The following XKR9 variants were observed in gnomAD, a reference collection of about 807,000 sequenced individuals.
XKR9 encodes the protein XK-related protein 9.
Under a neutral mutation model 32.0 loss-of-function variants are expected in XKR9, and 32 were observed. The observed-to-expected ratio is 1.00, with a 90% confidence interval of 0.76 to 1.34. XKR9 has a LOEUF of 1.34. Ranked by LOEUF, XKR9 falls within the 40% of genes most tolerant of loss-of-function variation. The pLI is 0.00. For synonymous variants in XKR9, 168 were observed against 143.4 expected (o/e 1.17, Z -1.22); for missense variants, 546 against 429.7 (o/e 1.27, Z -2.39).
chr8:70,785,110 G>C (rs908278750), intron 2 of XKR9, among the ~76,000 whole-genome samples: 4 of 151,882 alleles, frequency 2.6e-5, no homozygotes, highest in African/African-American at 7.2e-5. Flanking sequence ...ATGTTTTGTG[G>C]AATTCAGCAG....
At chr8:70,728,060 T>C (rs969151034) in intron 4 of XKR9, among the ~76,000 whole-genome samples, 11 of 152,174 alleles carry the variant, frequency 7.2e-5, no homozygotes, top group African/African-American at 2.7e-4. Flanking sequence ...AGGCTTGTTT[T>C]GGGAAAGGCC....
Position 70,734,321 on chromosome 8 carries a change from A to C in XKR9, c.1019A>C (p.Tyr340Ser). ...LLGILFLIVY[Y>S]GSFHPNRSAE... ...GGAATTCTTTTTCTTATTGTTTATT[A>C]TGGGAGTTTTCACCCAAACAGAAGT... The change falls in exon 5 of 5, where the codon TAT becomes TCT. Residue 340 changes from tyrosine to serine, a missense_variant. Tyr to Ser is a moderately radical substitution (Grantham distance 144). Coordinates refer to ENST00000408926, the MANE Select transcript of XKR9 (RefSeq NM_001011720.2). 6.2e-7 allele frequency: 1 copy of C among 1,612,544 alleles called. No homozygotes were observed. The highest frequency in any genetic ancestry group is 8.5e-7 in the Non-Finnish European group (1 of 1,179,508).
intron 3 of XKR9, chr8:70,683,505 TGA>T: frequency 4.5e-6 from 2 of 441,368 alleles, no homozygotes; most frequent in Admixed American, 5.1e-5. Flanking sequence ...TTTTTTTTTT[TGA>T]GACAGGGCCT....
the XKR9 span, among the ~76,000 whole-genome samples, chr8:70,908,961 G>C: frequency 1.3e-5 from 2 of 152,212 alleles, no homozygotes; most frequent in Non-Finnish European, 2.9e-5. Context: ...CAGGAGGTCT[G>C]TATGTTGTGC....
At chr8:70,865,772 G>A in the XKR9 span, among the ~76,000 whole-genome samples, 1 of 152,198 alleles carries the variant, frequency 6.6e-6, no homozygotes, top group Non-Finnish European at 1.5e-5. Flanking sequence ...AACCTGACTT[G>A]TGCTTCTGAA....
the XKR9 span, among the ~76,000 whole-genome samples, chr8:70,838,881 C>T: frequency 6.6e-6 from 1 of 152,046 alleles, no homozygotes. Context: ...GAGACATTTT[C>T]AAGTCCATGT....
downstream of XKR9, among the ~76,000 whole-genome samples, chr8:70,738,711 C>T (rs918206389): frequency 2.0e-5 from 3 of 152,008 alleles, no homozygotes; most frequent in East Asian, 1.9e-4. Context: ...TTATTTCTGC[C>T]TTCATTTCGT....
At chr8:70,916,401 A>T in the XKR9 span, among the ~76,000 whole-genome samples, 1 of 152,200 alleles carries the variant, frequency 6.6e-6, no homozygotes, top group South Asian at 2.1e-4. Context: ...GCCATCTTTG[A>T]CAAATCAAGT....
the XKR9 span, among the ~76,000 whole-genome samples, chr8:71,018,136 G>T: frequency 2.0e-5 from 3 of 152,070 alleles, no homozygotes; most frequent in African/African-American, 7.2e-5. Context: ...AAGAAGTAAA[G>T]AATAGGCATT....
the XKR9 span, among the ~76,000 whole-genome samples, chr8:70,976,081 C>T: frequency 2.6e-5 from 4 of 152,152 alleles, no homozygotes; most frequent in Non-Finnish European, 5.9e-5. Context: ...GTGATTTTTG[C>T]ACATTGATTT....
intron 4 of XKR9, among the ~76,000 whole-genome samples, chr8:70,712,366 C>T (rs1455603140): frequency 1.3e-5 from 2 of 152,074 alleles, no homozygotes; most frequent in African/African-American, 4.8e-5. Flanking sequence ...GGGAAAGCAG[C>T]ATAGTTAAGT....
intron 3 of XKR9, among the ~76,000 whole-genome samples, chr8:70,682,604 T>G (rs1039609506): frequency 6.6e-6 from 1 of 152,178 alleles, no homozygotes; most frequent in African/African-American, 2.4e-5. Flanking sequence ...TGCTACTGTT[T>G]TGCTTTTTCT....
chr8:70,972,362 T>C, the XKR9 span, among the ~76,000 whole-genome samples: 1 of 152,168 alleles, frequency 6.6e-6, no homozygotes, highest in East Asian at 1.9e-4. Context: ...AGGAGCTATT[T>C]GCTTGTGTCT....
At chr8:70,970,352 G>T in the XKR9 span, among the ~76,000 whole-genome samples, 1 of 151,776 alleles carries the variant, frequency 6.6e-6, no homozygotes, top group African/African-American at 2.4e-5. Flanking sequence ...AAGTTCTGTG[G>T]TACATGTGCA....
the XKR9 span, among the ~76,000 whole-genome samples, chr8:71,026,459 C>T: frequency 6.6e-6 from 1 of 152,080 alleles, no homozygotes; most frequent in Non-Finnish European, 1.5e-5. Context: ...GGGCTTTATT[C>T]CAGTAGGAAG....
chr8:71,000,564 C>T, the XKR9 span, among the ~76,000 whole-genome samples: 1 of 152,110 alleles, frequency 6.6e-6, no homozygotes, highest in Non-Finnish European at 1.5e-5. Flanking sequence ...AAATGCACCC[C>T]CCTTAAGCAC....
At chr8:70,969,816 T>C in the XKR9 span, among the ~76,000 whole-genome samples, 1 of 152,180 alleles carries the variant, frequency 6.6e-6, no homozygotes, top group Non-Finnish European at 1.5e-5. Context: ...AATAAGTTCT[T>C]TAGTGGTGAT....
intron 3 of XKR9, among the ~76,000 whole-genome samples, chr8:70,681,852 C>G (rs562816428): frequency 1.3e-5 from 2 of 152,036 alleles, no homozygotes; most frequent in South Asian, 4.2e-4. Context: ...TTCCATGATT[C>G]TCTGTATATT....
the XKR9 span, among the ~76,000 whole-genome samples, chr8:70,913,612 G>T: frequency 6.6e-6 from 1 of 152,062 alleles, no homozygotes; most frequent in Non-Finnish European, 1.5e-5. Context: ...AAATGCATTT[G>T]TATTGAGTTC....
Sources: allele counts gnomAD v4.1 joint callset (sites outside exome capture counted in the v4.1 genomes callset), GRCh38; gene constraint gnomAD v4.1.1; transcripts MANE v1.5; gene names NCBI Gene and HGNC (gene_info 2026-07-23, HGNC 2026-07-21).